The following ALOX5AP variants were observed in gnomAD, a reference collection of about 807,000 sequenced individuals.
The protein encoded by ALOX5AP is arachidonate 5-lipoxygenase-activating protein.
ALOX5AP carries 9 observed loss-of-function variants against 18.5 expected under a neutral mutation model. That is an observed-to-expected ratio of 0.49 (90% CI 0.29 to 0.85). The LOEUF is 0.85. Ranked by LOEUF, ALOX5AP falls within the 40% of genes least tolerant of loss-of-function variation. The pLI is 0.08. For synonymous variants in ALOX5AP, 81 were observed against 78.6 expected (o/e 1.03, Z -0.16); for missense variants, 172 against 202.5 (o/e 0.85, Z 0.91).
chr13:30,728,260 A>G (rs1158908829), intron 1 of ALOX5AP, among the ~76,000 whole-genome samples: 1 of 152,220 alleles, frequency 6.6e-6, no homozygotes, highest in Non-Finnish European at 1.5e-5. Flanking sequence ...TACAGGGAGC[A>G]TAGCCCTGCT....
chr13:30,753,170 A>C (rs1213480141), intron 3 of ALOX5AP, among the ~76,000 whole-genome samples: 9 of 152,238 alleles, frequency 5.9e-5, no homozygotes, highest in Non-Finnish European at 1.3e-4. Context: ...GGGAAGCGCC[A>C]TATGGGAAGA....
chr13:30,716,213 C>A (rs190620732), intron 1 of ALOX5AP, among the ~76,000 whole-genome samples: 1 of 152,366 alleles, frequency 6.6e-6, no homozygotes, highest in East Asian at 1.9e-4. Context: ...ATGAGCACAG[C>A]TTTACCTGGC....
chr13:30,736,844 C>A (rs916801150), intron 1 of ALOX5AP, among the ~76,000 whole-genome samples: 5 of 152,234 alleles, frequency 3.3e-5, no homozygotes, highest in Non-Finnish European at 7.3e-5. Context: ...ATTTAGGCCA[C>A]CATTTTCTTG....
upstream of ALOX5AP, among the ~76,000 whole-genome samples, chr13:30,732,431 A>C (rs1218743803): frequency 6.6e-6 from 1 of 152,166 alleles, no homozygotes; most frequent in Non-Finnish European, 1.5e-5. Flanking sequence ...AAAAACTGGA[A>C]ATTTTAATCT....
intron 4 of ALOX5AP, among the ~76,000 whole-genome samples, chr13:30,757,877 G>A (rs17245617): frequency 0.033 from 5,031 of 152,184 alleles, 261 homozygotes; most frequent in African/African-American, 0.11. Context: ...AGATTTCTTC[G>A]GACCTCATTG....
chr13:30,759,063 C>A (rs1951919652), intron 4 of ALOX5AP, among the ~76,000 whole-genome samples: 1 of 152,166 alleles, frequency 6.6e-6, no homozygotes, highest in African/African-American at 2.4e-5. Flanking sequence ...AAGCAATCTG[C>A]CATCCCCGGC....
intron 2 of ALOX5AP, among the ~76,000 whole-genome samples, chr13:30,746,762 C>T (rs1417195465): frequency 3.3e-5 from 5 of 152,182 alleles, no homozygotes; most frequent in Non-Finnish European, 7.3e-5. Context: ...ATGAAGCTTT[C>T]CTCATTTTTA....
intron 2 of ALOX5AP, among the ~76,000 whole-genome samples, chr13:30,748,429 A>G (rs1038385885): frequency 2.6e-5 from 4 of 152,226 alleles, no homozygotes; most frequent in Non-Finnish European, 5.9e-5. Context: ...GGAATATAGC[A>G]ACGAATTCTT....
At position 30,764,405 on chromosome 13, in the gene ALOX5AP, G is replaced by A. The variant is rs202216912; in HGVS notation, c.*299G>A. On this transcript the variant is annotated 3_prime_UTR_variant, in exon 5 of 5. Coordinates refer to ENST00000380490, the MANE Select transcript of ALOX5AP (RefSeq NM_001629.4). ...GGTTTGTGTTTTCTTAAAATAAAAT[G>A]CAGAGACATGTTTTAAGCTGATAGT... 1.4e-5 allele frequency: 4 copies of A among 293,844 alleles called. No homozygotes were observed. The highest frequency in any genetic ancestry group is 8.8e-5 in the African/African-American group (4 of 45,658). The allele number at this position is 293,844 out of a possible 1,614,324, so 18.2% of individuals were successfully genotyped here. A position where few individuals can be genotyped will look rare whatever the true frequency, so the allele number is the denominator to read the frequency against.
At chr13:30,721,116 C>T (rs903385488) in intron 1 of ALOX5AP, among the ~76,000 whole-genome samples, 13 of 152,196 alleles carry the variant, frequency 8.5e-5, no homozygotes, top group Admixed American at 6.5e-4. Context: ...TCCCACCCCA[C>T]GCTTCTTCTC....
At position 30,735,564 on chromosome 13, in the gene ALOX5AP, G is replaced by A. The variant is rs775732668; in HGVS notation, c.-42G>A. On this transcript the variant is annotated 5_prime_UTR_variant, in exon 1 of 5. Coordinates refer to ENST00000380490, the MANE Select transcript of ALOX5AP (RefSeq NM_001629.4). ...CTTCCTGTACAGGGCAGGTTGTGCA[G>A]CTGGAGGCAGAGCAGTCCTCTCTGG... is the stretch of plus-strand genomic sequence containing the variant. 1 of 1,613,008 alleles carries A rather than the reference G, an allele frequency of 6.2e-7. No individual in the cohort carries two copies. The highest frequency in any genetic ancestry group is 1.1e-5 in the South Asian group (1 of 90,708).
chr13:30,732,287 G>A (rs1412350148), upstream of ALOX5AP, among the ~76,000 whole-genome samples: 2 of 152,166 alleles, frequency 1.3e-5, no homozygotes, highest in South Asian at 2.1e-4. Context: ...GGGTCCCTGC[G>A]TTCCACGGAG....
chr13:30,719,922 C>T (rs559350397), intron 1 of ALOX5AP, among the ~76,000 whole-genome samples: 5 of 151,298 alleles, frequency 3.3e-5, no homozygotes, highest in Admixed American at 1.3e-4. Flanking sequence ...AGTGCAGTGG[C>T]GTGATCTCGG....
rs770976174 is a variant in ALOX5AP, at chr13:30,741,831, G to GTTTTTT, written c.71-2216_71-2211dup. Among the ~76,000 whole-genome samples the GTTTTTT allele has an allele frequency of 1.8e-3, 244 of 133,890 alleles. 1 individual carries two copies. Among genetic ancestry groups the GTTTTTT allele is most frequent in the East Asian group, 9.2e-3 (43 of 4,652 alleles). 87.8% of individuals were successfully genotyped at this position (133,890 alleles called of 152,430 possible). A position where few individuals can be genotyped will look rare whatever the true frequency, so the allele number is the denominator to read the frequency against. ...GTTCAGTCCAGACAAATGGTTTTCT[G>GTTTTTT]TTTTTTTTTTTTTTTTTTAATATTT... On this transcript the variant is annotated intron_variant, in intron 1 of 4. Coordinates refer to ENST00000380490, the MANE Select transcript of ALOX5AP (RefSeq NM_001629.4).
intron 4 of ALOX5AP, among the ~76,000 whole-genome samples, chr13:30,759,107 C>A (rs929861217): frequency 1.3e-5 from 2 of 152,182 alleles, no homozygotes; most frequent in Non-Finnish European, 2.9e-5. Flanking sequence ...GCATAAGCCA[C>A]CCATGATGCC....
chr13:30,733,698 C>T (rs1951699231), upstream of ALOX5AP, among the ~76,000 whole-genome samples: 1 of 152,208 alleles, frequency 6.6e-6, no homozygotes, highest in African/African-American at 2.4e-5. Flanking sequence ...AAAGAATTCC[C>T]ACCCTCACCA....
In ALOX5AP at chr13:30,722,680, T is replaced by G. The variant is rs577358377; in HGVS notation, c.116+8839T>G. 3.2e-4 allele frequency among the ~76,000 whole-genome samples: 49 copies of G among 152,368 alleles called. 3 individuals carry two copies. The South Asian group carries it at 9.7e-3, about 30-fold the overall frequency. ...TATTTGTTCCCTACAAATCTCATGT[T>G]GACATTTTATCCCTAATATTGGAGG... On this transcript the variant is annotated intron_variant, in intron 1 of 5. Transcript: ENST00000617770.
At chr13:30,731,094 G>T (rs952632631), upstream of ALOX5AP, among the ~76,000 whole-genome samples, 1 of 152,168 alleles carries the variant, frequency 6.6e-6, no homozygotes, top group African/African-American at 2.4e-5. Flanking sequence ...CTTTGCTAAC[G>T]GTCAGATGTC....
At chr13:30,716,718 C>A (rs542547326) in intron 1 of ALOX5AP, among the ~76,000 whole-genome samples, 2 of 152,330 alleles carry the variant, frequency 1.3e-5, no homozygotes, top group Admixed American at 1.3e-4. Context: ...ACTTTTGACA[C>A]CAACTACAAG....
Sources: allele counts gnomAD v4.1 joint callset (sites outside exome capture counted in the v4.1 genomes callset), GRCh38; gene constraint gnomAD v4.1.1; transcripts MANE v1.5; gene names NCBI Gene and HGNC (gene_info 2026-07-23, HGNC 2026-07-21).